Variants in NWD2 observed in about 807,000 individuals in gnomAD.
NWD2 encodes NACHT and WD repeat domain containing 2, also known as NACHT and WD repeat domain-containing protein 2.
A neutral mutation model predicts 132.7 loss-of-function variants in NWD2; 37 were observed. The observed-to-expected ratio is 0.28, with a 90% CI of 0.21 to 0.37. The LOEUF (loss-of-function observed/expected upper bound fraction) is 0.37, where lower values mean the gene tolerates loss of function less well. NWD2 is among the 10% of genes least tolerant of loss of function. The probability of loss-of-function intolerance (pLI) is 1.00; values close to 1 mark genes in which losing one functional copy is unlikely to be tolerated. For synonymous variants in NWD2, 705 were observed against 803.0 expected (o/e 0.88, Z 2.06); for missense variants, 1,592 against 2,122.4 (o/e 0.75, Z 4.91).
chr4:37,288,374 A>C (rs1401624236), intron 1 of NWD2, among the ~76,000 whole-genome samples: 1 of 152,222 alleles, frequency 6.6e-6, no homozygotes, highest in East Asian at 1.9e-4. Context: ...CAAGGCAAGG[A>C]AAATTAATTT....
At chr4:37,437,381 T>C (rs1712349207) in intron 5 of NWD2, among the ~76,000 whole-genome samples, 1 of 152,182 alleles carries the variant, frequency 6.6e-6, no homozygotes, top group East Asian at 1.9e-4. Context: ...CTTTCATTCA[T>C]AAAGGCTCTG....
At chr4:37,308,362 G>A (rs547259168) in intron 1 of NWD2, among the ~76,000 whole-genome samples, 1 of 152,194 alleles carries the variant, frequency 6.6e-6, no homozygotes, top group Admixed American at 6.5e-5. Flanking sequence ...GCTGTAATCA[G>A]TGTCAGTGGT....
In NWD2 at chr4:37,447,604, G is replaced by A. The variant is rs1712673867; in HGVS notation, c.*387G>A. The A allele has an allele frequency of 4.9e-6, 1 of 202,376 alleles. No homozygotes were observed. Among genetic ancestry groups the A allele is most frequent in the Admixed American group, 5.2e-5 (1 of 19,130 alleles). 12.5% of individuals were successfully genotyped at this position (202,376 alleles called of 1,614,324 possible). On this transcript the variant is annotated 3_prime_UTR_variant, in exon 7 of 7. Transcript: ENST00000309447. ...AATCAGCTGAAATCATGAAGACAAA[G>A]AGCTGCTTGACTTCAAATGATTGTG...
intron 3 of NWD2, among the ~76,000 whole-genome samples, chr4:37,380,766 G>C (rs1720435911): frequency 6.6e-6 from 1 of 152,190 alleles, no homozygotes; most frequent in Non-Finnish European, 1.5e-5. Context: ...AGTACTCACA[G>C]CTAGCAAGTG....
chr4:37,309,825 C>A (rs1718793673), intron 1 of NWD2, among the ~76,000 whole-genome samples: 1 of 152,184 alleles, frequency 6.6e-6, no homozygotes, highest in South Asian at 2.1e-4. Context: ...CTCAGGGATG[C>A]CTCTGTCACA....
At chr4:37,402,026 G>C (rs1577691647) in intron 3 of NWD2, among the ~76,000 whole-genome samples, 1 of 152,150 alleles carries the variant, frequency 6.6e-6, no homozygotes, top group Non-Finnish European at 1.5e-5. Flanking sequence ...ATCATAAATT[G>C]ATTAACACCA....
chr4:37,400,193 T>A (rs984652767), intron 3 of NWD2, among the ~76,000 whole-genome samples: 29 of 152,226 alleles, frequency 1.9e-4, no homozygotes, highest in African/African-American at 6.3e-4. Flanking sequence ...TTCCTAGTAT[T>A]AGTCTCCAAG....
intron 2 of NWD2, among the ~76,000 whole-genome samples, chr4:37,348,655 TATATATATATATATATATATACAC>T (rs1560400966): frequency 1.6e-5 from 1 of 61,232 alleles, no homozygotes; most frequent in South Asian, 5.3e-4. Flanking sequence ...TATATATATA[TATATATATATATATATATATACAC>T]ACACACACAC....
chr4:37,367,741 C>T (rs994641603), intron 3 of NWD2, among the ~76,000 whole-genome samples: 2 of 152,108 alleles, frequency 1.3e-5, no homozygotes, highest in Non-Finnish European at 2.9e-5. Flanking sequence ...GTGTTGAACA[C>T]GTTTCCTCTT....
At chr4:37,311,535 C>T (rs1289683956) in intron 1 of NWD2, among the ~76,000 whole-genome samples, 1 of 149,820 alleles carries the variant, frequency 6.7e-6, no homozygotes, top group African/African-American at 2.5e-5. Flanking sequence ...TGGATATTAG[C>T]CCTTTGTCAG....
chr4:37,395,608 A>AAAAAAAAAAC (rs1720773094), intron 3 of NWD2, among the ~76,000 whole-genome samples: 1 of 149,294 alleles, frequency 6.7e-6, no homozygotes, highest in Non-Finnish European at 1.5e-5. Context: ...AAAAAAAAAA[A>AAAAAAAAAAC]AGAGTCTGCC....
At position 37,433,954 on chromosome 4, in the gene NWD2, G is replaced by A. The variant is rs1712246593; in HGVS notation, c.640G>A (p.Ala214Thr). 6.4e-7 allele frequency: 1 copy of A among 1,550,570 alleles called. No individual in the cohort carries two copies. Among genetic ancestry groups the A allele is most frequent in the Non-Finnish European group, 8.7e-7 (1 of 1,146,190 alleles). The change falls in exon 5 of 7, where the codon GCT becomes ACT. Residue 214 changes from alanine to threonine, a missense_variant. Coordinates refer to ENST00000309447, the MANE Select transcript of NWD2 (RefSeq NM_001144990.2). ...SDEIKKIFKA[A>T]VKLLHEKGKM... ...TGAGATCAAGAAGATATTTAAGGCTGCTGTAAAGCTGTTACACGAAAAGGG... is the reference window on the plus strand; with the variant it reads ...TGAGATCAAGAAGATATTTAAGGCTACTGTAAAGCTGTTACACGAAAAGGG...
chr4:37,333,489 G>C (rs1719335625), intron 2 of NWD2, among the ~76,000 whole-genome samples: 1 of 152,208 alleles, frequency 6.6e-6, no homozygotes. Flanking sequence ...CACCAAGGCA[G>C]AAGAGCCACG....
At chr4:37,420,173 A>G (rs1273543816) in intron 3 of NWD2, among the ~76,000 whole-genome samples, 1 of 152,198 alleles carries the variant, frequency 6.6e-6, no homozygotes, top group Non-Finnish European at 1.5e-5. Flanking sequence ...TTACCTGTTC[A>G]TGTCCTTTGT....
At chr4:37,442,225 A>C (rs41514446) in intron 6 of NWD2, among the ~76,000 whole-genome samples, 9,198 of 152,202 alleles carry the variant, frequency 0.06, 507 homozygotes, top group African/African-American at 0.14. Flanking sequence ...GTGTAAAATC[A>C]CTCTTCCTTA....
chr4:37,326,457 A>G (rs528257350), intron 2 of NWD2, among the ~76,000 whole-genome samples: 2 of 152,228 alleles, frequency 1.3e-5, no homozygotes, highest in East Asian at 3.9e-4. Flanking sequence ...CTTTTTATTC[A>G]CATTGTAGAA....
chr4:37,433,798 A>T (rs1361344188), intron 4 of NWD2, 78 bp from the exon 5 acceptor site: 3 of 1,205,078 alleles, frequency 2.5e-6, no homozygotes, highest in Non-Finnish European at 3.4e-6. Context: ...CCTTCAAATA[A>T]TAGAAATTTT....
chr4:37,304,814 T>C (rs1040385358), intron 1 of NWD2, among the ~76,000 whole-genome samples: 1 of 152,174 alleles, frequency 6.6e-6, no homozygotes, highest in African/African-American at 2.4e-5. Context: ...AGGTGCCCAG[T>C]ATAAGCTGTT....
intron 2 of NWD2, among the ~76,000 whole-genome samples, chr4:37,352,262 A>G (rs948562230): frequency 3.0e-4 from 46 of 152,140 alleles, no homozygotes; most frequent in Non-Finnish European, 6.3e-4. Context: ...TCATCTGTCT[A>G]ATATTGACAG....
Sources: gnomAD v4.1 joint callset for allele counts (sites outside exome capture counted in the v4.1 genomes callset) on GRCh38, gnomAD v4.1.1 for gene constraint, MANE v1.5 for transcripts, NCBI Gene and HGNC (gene_info 2026-07-23, HGNC 2026-07-21) for gene names.